TMEM52B: variants seen among roughly 807,000 people sequenced by gnomAD.
The protein encoded by TMEM52B is chromosome 12 open reading frame 59.
A neutral mutation model predicts 16.1 loss-of-function variants in TMEM52B; 11 were observed. That is an observed-to-expected ratio of 0.68 (90% CI 0.43 to 1.13). TMEM52B has a LOEUF of 1.13. Ranked by LOEUF, TMEM52B falls within the 50% of genes most tolerant of loss-of-function variation. The pLI, the probability that TMEM52B is intolerant of heterozygous loss-of-function variation, is 0.00. For synonymous variants in TMEM52B, 101 were observed against 93.8 expected, an observed-to-expected ratio of 1.08 and a Z score of -0.45; for missense variants, 243 against 230.4, an observed-to-expected ratio of 1.05 and a Z score of -0.35.
chr12:10,178,721 T>C (rs1948789142), upstream of TMEM52B, among the ~76,000 whole-genome samples: 1 of 152,144 alleles, frequency 6.6e-6, no homozygotes, highest in African/African-American at 2.4e-5. Flanking sequence ...ATACATTTGC[T>C]TTTTTAAAAT....
intron 1 of TMEM52B, chr12:10,170,880 C>G (rs989874023): frequency 6.6e-6 from 1 of 152,162 alleles, no homozygotes; most frequent in African/African-American, 2.4e-5. Flanking sequence ...TATAGATTCT[C>G]TTTGTCCTGT....
At chr12:10,185,514 T>C (rs1948869513) in intron 3 of TMEM52B, 146 bp downstream of exon 3, 2 of 669,194 alleles carry the variant, frequency 3.0e-6, no homozygotes, top group African/African-American at 1.8e-5. Flanking sequence ...GATTTCCTTT[T>C]TCAATACCAT....
rs7487375 is a variant in TMEM52B, at chr12:10,186,401, G to A, written c.138-19G>A. On this transcript the variant is annotated intron_variant, in intron 3 of 4. Transcript: ENST00000543484. ...AAGCCAGATCCCAGAGCTCCCACTCGCCCCGTGGGCTTTTGCAGGTTGCTA... is the reference window on the plus strand; with the variant it reads ...AAGCCAGATCCCAGAGCTCCCACTCACCCCGTGGGCTTTTGCAGGTTGCTA... 23 of 1,582,496 alleles carry A rather than the reference G, an allele frequency of 1.5e-5. No individual in the cohort carries two copies. The highest frequency in any genetic ancestry group is 4.0e-5 in the African/African-American group (3 of 74,518).
At chr12:10,178,684 A>C (rs1364821851), upstream of TMEM52B, among the ~76,000 whole-genome samples, 2 of 152,236 alleles carry the variant, frequency 1.3e-5, no homozygotes, top group Admixed American at 6.5e-5. Flanking sequence ...AGAAGGAACA[A>C]AGAAAAGGCA....
intron 1 of TMEM52B, among the ~76,000 whole-genome samples, chr12:10,181,668 C>T (rs1051267299): frequency 6.6e-6 from 1 of 151,762 alleles, no homozygotes; most frequent in African/African-American, 2.4e-5. Flanking sequence ...GTCCCTTAAC[C>T]TTTCAAGATA....
At position 10,179,467 on chromosome 12, in the gene TMEM52B, T is replaced by C. The variant is rs755557564; in HGVS notation, c.-108T>C. On this transcript the variant is annotated 5_prime_UTR_variant, in exon 1 of 5. Coordinates refer to ENST00000543484, the MANE Select transcript of TMEM52B (RefSeq NM_001384896.1). ...AAAGCTGATAAATTCCTGAGAAAAG[T>C]TTCTCTTCTTAAGAATTCTAGGTCA... is the stretch of plus-strand genomic sequence containing the variant. 225 of 1,203,596 alleles carry C rather than the reference T, an allele frequency of 1.9e-4. No homozygotes were observed. The highest frequency in any genetic ancestry group is 4.2e-4 in the Admixed American group (24 of 57,554). The allele number at this position is 1,203,596 out of a possible 1,614,324, so 74.6% of individuals were successfully genotyped here. A position where few individuals can be genotyped will look rare whatever the true frequency, so the allele number is the denominator to read the frequency against.
chr12:10,185,932 T>G (rs1948873976), intron 3 of TMEM52B, among the ~76,000 whole-genome samples: 1 of 152,038 alleles, frequency 6.6e-6, no homozygotes, highest in Non-Finnish European at 1.5e-5. Flanking sequence ...TCCCAGCTAC[T>G]CAGGTGGTTG....
intron 1 of TMEM52B, among the ~76,000 whole-genome samples, chr12:10,173,930 A>T (rs1183794820): frequency 6.6e-6 from 1 of 152,170 alleles, no homozygotes; most frequent in Non-Finnish European, 1.5e-5. Flanking sequence ...AGTGGCATTA[A>T]GTACATTTAC....
At chr12:10,188,524 G>GGAA (rs1948910315) in intron 4 of TMEM52B, among the ~76,000 whole-genome samples, 1 of 94,248 alleles carries the variant, frequency 1.1e-5, no homozygotes, top group Non-Finnish European at 2.2e-5. Context: ...AAGGAAGGAA[G>GGAA]GAAGGAAGGA....
intron 2 of TMEM52B, among the ~76,000 whole-genome samples, chr12:10,184,953 C>G (rs1948864030): frequency 6.6e-6 from 1 of 152,122 alleles, no homozygotes; most frequent in Admixed American, 6.5e-5. Flanking sequence ...ACCTCGTGAT[C>G]TGCCAGCCTT....
In TMEM52B at chr12:10,182,560, C is replaced by G. The variant is rs549137726; in HGVS notation, c.65C>G (p.Thr22Arg). ...TTTCTCTTTCTACAGCTTTCTGGGA[C>G]GAGATGTGAGGAAAACTGTGGTAAT... ...ALLYFILLSGTRCEENCGNPE... is the reference protein window; with the variant it reads ...ALLYFILLSGRRCEENCGNPE... Residue 22 changes from threonine (T) to arginine (R), a missense_variant, in exon 2 of 5, where the codon ACG (threonine) becomes AGG (arginine). Physicochemically the swap from Thr to Arg is moderately conservative, Grantham distance 71. Coordinates refer to ENST00000543484, the MANE Select transcript of TMEM52B (RefSeq NM_001384896.1). 5.2e-6 allele frequency: 8 copies of G among 1,535,050 alleles called. No individual in the cohort carries two copies. In the African/African-American group the frequency reaches 1.1e-4, roughly 21 times the overall value.
intron 4 of TMEM52B, among the ~76,000 whole-genome samples, chr12:10,187,010 C>T (rs1406097336): frequency 1.3e-5 from 2 of 151,268 alleles, no homozygotes; most frequent in Non-Finnish European, 2.9e-5. Flanking sequence ...TTCTTCAAGG[C>T]TTGATACACT....
chr12:10,187,464 T>C (rs1457998879), intron 4 of TMEM52B, among the ~76,000 whole-genome samples: 3 of 151,472 alleles, frequency 2.0e-5, no homozygotes, highest in Non-Finnish European at 2.9e-5. Flanking sequence ...AGTGCAGTGG[T>C]GGGAATCTCA....
upstream of TMEM52B, among the ~76,000 whole-genome samples, chr12:10,178,747 T>A (rs1231163594): frequency 6.6e-6 from 1 of 152,096 alleles, no homozygotes; most frequent in Non-Finnish European, 1.5e-5. Context: ...TTTAAAAAAA[T>A]GTCTTTCTCA....
intron 1 of TMEM52B, among the ~76,000 whole-genome samples, chr12:10,173,920 A>C (rs945298555): frequency 3.9e-5 from 6 of 152,188 alleles, no homozygotes; most frequent in African/African-American, 1.2e-4. Context: ...TGTACTGTTC[A>C]GTGGCATTAA....
At position 10,191,526 on chromosome 12, in the gene TMEM52B, T is replaced by TCTTTAAAGC. The variant is rs1436945604; in HGVS notation, c.*1388_*1396dup. On this transcript the variant is annotated 3_prime_UTR_variant, in exon 5 of 5. Coordinates refer to ENST00000543484, the MANE Select transcript of TMEM52B (RefSeq NM_001384896.1). ...CTGACCCCCTGCTCCTGGCCTGAAATCTTTAAAGCCGTTTTTTCCCTAAAA... is the reference window on the plus strand; with the variant it reads ...CTGACCCCCTGCTCCTGGCCTGAAATCTTTAAAGCCTTTAAAGCCGTTTTTTCCCTAAAA... 6.6e-6 allele frequency: 1 copy of TCTTTAAAGC among 152,104 alleles called. No homozygotes were observed. Among genetic ancestry groups the TCTTTAAAGC allele is most frequent in the Non-Finnish European group, 1.5e-5 (1 of 68,028 alleles). The allele number at this position is 152,104 out of a possible 1,614,324, so 9.4% of individuals were successfully genotyped here. A position where few individuals can be genotyped will look rare whatever the true frequency, so the allele number is the denominator to read the frequency against.
upstream of TMEM52B, among the ~76,000 whole-genome samples, chr12:10,175,815 C>G (rs1271398363): frequency 2.6e-5 from 4 of 152,208 alleles, no homozygotes; most frequent in African/African-American, 9.7e-5. Context: ...GCCTCAGAGT[C>G]CTGGCCTCTA....
Position 10,190,429 on chromosome 12 carries a change from C to T in TMEM52B, c.*289C>T, listed in dbSNP as rs955527070. 41 of 366,516 alleles carry T rather than the reference C, an allele frequency of 1.1e-4. No homozygotes were observed. The highest frequency in any genetic ancestry group is 8.8e-4 in the Middle Eastern group (1 of 1,138). The allele number at this position is 366,516 out of a possible 1,614,324, so 22.7% of individuals were successfully genotyped here. A position where few individuals can be genotyped will look rare whatever the true frequency, so the allele number is the denominator to read the frequency against. ...ATCAAGGTGTCTTGAATTCCTTTAACTATTGAGTGCATATAGAATTCCTGT... is the reference window on the plus strand; with the variant it reads ...ATCAAGGTGTCTTGAATTCCTTTAATTATTGAGTGCATATAGAATTCCTGT... On this transcript the variant is annotated 3_prime_UTR_variant, in exon 5 of 5. Transcript: ENST00000543484.
intron 1 of TMEM52B, chr12:10,172,250 C>T (rs185281413): frequency 1.4e-4 from 76 of 554,150 alleles, no homozygotes; most frequent in Admixed American, 9.2e-4. Context: ...AGTTCGCTGA[C>T]GCAAATTCTT....
Sources: gnomAD v4.1 joint callset for allele counts (sites outside exome capture counted in the v4.1 genomes callset) on GRCh38, gnomAD v4.1.1 for gene constraint, MANE v1.5 for transcripts, NCBI Gene and HGNC (gene_info 2026-07-23, HGNC 2026-07-21) for gene names.